Variants in PNKD observed in about 807,000 individuals in gnomAD.
PNKD encodes probable thioesterase PNKD.
In PNKD, 36 loss-of-function variants were observed where a neutral mutation model predicts 45.3. That is an observed-to-expected ratio of 0.80 (90% confidence interval 0.61 to 1.05). The LOEUF (loss-of-function observed/expected upper bound fraction) is 1.05. Among genes scored for constraint, PNKD ranks in the 50% least tolerant of loss-of-function variants. The pLI is 0.00. For missense variants in PNKD, 511 were observed against 506.6 expected (o/e 1.01, Z -0.08); for synonymous variants, 197 against 210.1 (o/e 0.94, Z 0.54).
chr2:218,340,003 C>G lies in PNKD; in HGVS notation c.353-26C>G. The G allele has an allele frequency of 1.3e-6, 2 of 1,547,250 alleles. No individual in the cohort carries two copies. The highest frequency in any genetic ancestry group is 1.1e-5 in the South Asian group (1 of 89,762). Reference sequence around the variant, plus strand: ...CCCCTGGGCTCCCTGCCTGTTACCCCGCCCACAGCCCATCTCTGTCCCCAG... The same window carrying G: ...CCCCTGGGCTCCCTGCCTGTTACCCGGCCCACAGCCCATCTCTGTCCCCAG... On this transcript the variant is annotated intron_variant, in intron 3 of 9. Transcript: ENST00000273077. This position sits in a 1 kb window ranked among gnomAD's most constrained non-coding sequence, Gnocchi z 4.2.
At chr2:218,273,075 T>G (rs1291329831) in intron 2 of PNKD, 4 of 617,186 alleles carry the variant, frequency 6.5e-6, no homozygotes, top group Non-Finnish European at 9.9e-6. Flanking sequence ...GAGACTTAAG[T>G]GCAACCAGCC....
rs950017395 is a variant in PNKD, at chr2:218,345,752, G to T, written c.*771G>T. The T allele has an allele frequency of 2.0e-5, 3 of 152,548 alleles. No individual in the cohort carries two copies. The highest frequency in any genetic ancestry group is 7.2e-5 in the African/African-American group (3 of 41,460). The allele number at this position is 152,548 out of a possible 1,614,324, so 9.4% of individuals were successfully genotyped here. ...CTCTCCTTGCACATCTGGCCTGGTT[G>T]TACCCACTGGCCTCTGCCTCTGCCC... On this transcript the variant is annotated 3_prime_UTR_variant, in exon 10 of 10. Transcript: ENST00000273077.
At chr2:218,280,169 T>A in intron 2 of PNKD, 2 of 1,425,148 alleles carry the variant, frequency 1.4e-6, no homozygotes, top group Non-Finnish European at 2.0e-6. Context: ...ACCTGAGACA[T>A]GTGGCGTCAA....
At chr2:218,296,566 C>T (rs960170291) in intron 2 of PNKD, among the ~76,000 whole-genome samples, 5 of 152,192 alleles carry the variant, frequency 3.3e-5, no homozygotes, top group Non-Finnish European at 5.9e-5. Context: ...ATTGGTCCTC[C>T]AAACCCTTCT....
At chr2:218,341,920 G>A (rs758949054) in intron 6 of PNKD, 61 bp from the exon 7 acceptor site, 2 of 1,380,506 alleles carry the variant, frequency 1.4e-6, no homozygotes, top group Non-Finnish European at 2.1e-6. Context: ...CCTGGGATGG[G>A]GACAGGGATC....
chr2:218,334,114 A>G (rs751026594), intron 2 of PNKD, among the ~76,000 whole-genome samples: 12 of 151,434 alleles, frequency 7.9e-5, no homozygotes, highest in Non-Finnish European at 1.6e-4. Context: ...GTCTCAGTCT[A>G]AAAACAAACA....
chr2:218,319,536 T>C (rs1354137559), intron 2 of PNKD, among the ~76,000 whole-genome samples: 1 of 151,690 alleles, frequency 6.6e-6, no homozygotes, highest in Non-Finnish European at 1.5e-5. Context: ...CCACCATACC[T>C]GGCTGATTTT....
At chr2:218,319,780 CA>C (rs1693936366) in intron 2 of PNKD, among the ~76,000 whole-genome samples, 1 of 152,268 alleles carries the variant, frequency 6.6e-6, no homozygotes, top group East Asian at 1.9e-4. Flanking sequence ...TGTCCCCAGA[CA>C]TTGCCATATA....
In PNKD at chr2:218,339,792, G is replaced by A. The variant is rs145583175; in HGVS notation, c.246G>A (p.Leu82=). 59 of 1,611,566 alleles carry A rather than the reference G, an allele frequency of 3.7e-5. No individual in the cohort carries two copies. The highest frequency in any genetic ancestry group is 4.6e-5 in the Non-Finnish European group (54 of 1,177,928). The part of the protein sequence containing the change: ...MKAVGLAWYS[L]YTRTWLGYLF... Reference sequence around the variant, plus strand: ...CCCACTCGCCCTCTAGGTACAGCCTGTACACCCGCACCTGGCTCGGGTACC... The same window carrying A: ...CCCACTCGCCCTCTAGGTACAGCCTATACACCCGCACCTGGCTCGGGTACC... Residue 82 remains leucine, a synonymous_variant, in exon 3 of 10, where the codon CTG becomes CTA. Transcript: ENST00000273077.
At chr2:218,332,207 C>T (rs952835101) in intron 2 of PNKD, among the ~76,000 whole-genome samples, 5 of 152,178 alleles carry the variant, frequency 3.3e-5, no homozygotes, top group Non-Finnish European at 7.3e-5. Context: ...AGCTGGGGGA[C>T]AGAGGCTCTT....
At chr2:218,341,677 C>A (rs576069884) in intron 6 of PNKD, 51 bp downstream of exon 6, 15 of 1,311,438 alleles carry the variant, frequency 1.1e-5, no homozygotes, top group East Asian at 2.5e-5. Flanking sequence ...CCCTTTCCCC[C>A]ACCCCCAGCC....
chr2:218,323,145 C>A (rs1694037740), intron 2 of PNKD: 1 of 1,310,084 alleles, frequency 7.6e-7, no homozygotes, highest in Non-Finnish European at 9.7e-7. Context: ...GGTCAATGGG[C>A]GGGGCGGGGC....
At chr2:218,323,501 G>C in intron 2 of PNKD, 4 of 1,383,728 alleles carry the variant, frequency 2.9e-6, no homozygotes, top group Non-Finnish European at 3.8e-6. Flanking sequence ...CTGGGAGGCG[G>C]GGGCTGGAGC....
chr2:218,345,014 C>G lies in PNKD; in HGVS notation c.*33C>G. On this transcript the variant is annotated 3_prime_UTR_variant, in exon 10 of 10. Transcript: ENST00000273077. ...AGCGCCCCCAGCCCAGCCCACTCCC[C>G]GCATGGGGAGGCCGCCACCACCAAC... The G allele has an allele frequency of 1.3e-6, 2 of 1,564,330 alleles. No individual in the cohort carries two copies. The highest frequency in any genetic ancestry group is 1.1e-5 in the South Asian group (1 of 87,772).
chr2:218,298,932 G>A (rs1213484797), intron 2 of PNKD, among the ~76,000 whole-genome samples: 2 of 151,826 alleles, frequency 1.3e-5, no homozygotes, highest in Non-Finnish European at 2.9e-5. Context: ...CCCAACCCAC[G>A]ATATTAGCTG....
chr2:218,304,675 G>A (rs1655404170), intron 2 of PNKD, among the ~76,000 whole-genome samples: 1 of 152,232 alleles, frequency 6.6e-6, no homozygotes, highest in South Asian at 2.1e-4. Flanking sequence ...TCAGTGGAAA[G>A]AGCATGGAAT....
At chr2:218,279,997 G>C in intron 2 of PNKD, 1 of 1,598,520 alleles carries the variant, frequency 6.3e-7, no homozygotes, top group Non-Finnish European at 8.6e-7. Context: ...GGGGCCCCAG[G>C]TACACCCACC....
chr2:218,327,999 A>G (rs1367244088), intron 2 of PNKD: 1 of 150,922 alleles, frequency 6.6e-6, no homozygotes, highest in African/African-American at 2.4e-5. Context: ...TACTTAAGTC[A>G]GGAATGGATT....
chr2:218,286,547 G>A (rs1574657267), intron 2 of PNKD: 2 of 152,228 alleles, frequency 1.3e-5, no homozygotes, highest in Non-Finnish European at 2.9e-5. Context: ...TTCTACCACA[G>A]CAGCGGCACA....
Sources: gnomAD v4.1 joint callset for allele counts (sites outside exome capture counted in the v4.1 genomes callset) on GRCh38, gnomAD v4.1.1 for gene constraint, Gnocchi (gnomAD v3.1) non-coding constraint, MANE v1.5 for transcripts, NCBI Gene and HGNC (gene_info 2026-07-23, HGNC 2026-07-21) for gene names.